Variants in PLPPR1 observed in about 807,000 individuals in gnomAD.
PLPPR1 encodes phospholipid phosphatase-related protein type 1.
In PLPPR1, 10 loss-of-function variants were observed where a neutral mutation model predicts 33.1. That is an observed-to-expected ratio of 0.30 (90% confidence interval 0.19 to 0.51). The LOEUF (loss-of-function observed/expected upper bound fraction) is 0.51, where lower values mean the gene tolerates loss of function less well. Ranked by LOEUF, PLPPR1 falls within the 20% of genes least tolerant of loss-of-function variation. The pLI, the probability that PLPPR1 is intolerant of heterozygous loss-of-function variation, is 0.97. For synonymous variants in PLPPR1, 151 were observed against 151.0 expected (o/e 1.00, Z 0.00); for missense variants, 304 against 408.1 (o/e 0.74, Z 2.20).
At chr9:101,037,945 A>T (rs1264580990) in intron 1 of PLPPR1, among the ~76,000 whole-genome samples, 1 of 150,806 alleles carries the variant, frequency 6.6e-6, no homozygotes, top group African/African-American at 2.4e-5. Flanking sequence ...TTTAGCAATT[A>T]AAAATGAATT....
At chr9:101,189,039 C>A (rs959114054) in intron 2 of PLPPR1, among the ~76,000 whole-genome samples, 5 of 152,144 alleles carry the variant, frequency 3.3e-5, no homozygotes, top group African/African-American at 9.6e-5. Context: ...TGAAGAGATT[C>A]CAATTCTGAA....
At chr9:101,231,743 CTTTAT>C (rs1481935921) in intron 2 of PLPPR1, among the ~76,000 whole-genome samples, 5 of 151,996 alleles carry the variant, frequency 3.3e-5, no homozygotes, top group Admixed American at 6.6e-5. Context: ...TCAAAGTATA[CTTTAT>C]TTTATTTTAG....
At chr9:101,195,030 C>A (rs1188727543) in intron 2 of PLPPR1, among the ~76,000 whole-genome samples, 1 of 152,208 alleles carries the variant, frequency 6.6e-6, no homozygotes, top group East Asian at 1.9e-4. Flanking sequence ...ATTTCTGACA[C>A]TGCCAGTCCC....
At chr9:101,090,870 A>AAT (rs1286701043) in intron 1 of PLPPR1, among the ~76,000 whole-genome samples, 30 of 151,110 alleles carry the variant, frequency 2.0e-4, no homozygotes, top group Non-Finnish European at 3.5e-4. Context: ...TTTCAACTTC[A>AAT]TGTGCTTCTT....
intron 1 of PLPPR1, among the ~76,000 whole-genome samples, chr9:101,043,815 C>T (rs1588004738): frequency 1.4e-5 from 2 of 147,272 alleles, no homozygotes; most frequent in South Asian, 4.3e-4. Flanking sequence ...CTATTTTTTT[C>T]TTTATTATTT....
At chr9:101,030,729 C>T (rs564476581) in intron 1 of PLPPR1, among the ~76,000 whole-genome samples, 3 of 152,078 alleles carry the variant, frequency 2.0e-5, no homozygotes, top group Admixed American at 6.5e-5. Flanking sequence ...CTGCTCCTCA[C>T]GGGTGGGGGT....
chr9:101,195,327 G>T (rs1355647534), intron 2 of PLPPR1, among the ~76,000 whole-genome samples: 1 of 151,970 alleles, frequency 6.6e-6, no homozygotes, highest in Non-Finnish European at 1.5e-5. Context: ...TAGCCTAAAT[G>T]ATTACCACAG....
At position 101,317,445 on chromosome 9, in the gene PLPPR1, C is replaced by T; in HGVS notation, c.894C>T (p.Pro298=). The T allele has an allele frequency of 6.2e-7, 1 of 1,614,036 alleles. No homozygotes were observed. The change falls in exon 7 of 8, where the codon CCC becomes CCT. Residue 298 remains proline, a synonymous_variant. Transcript: ENST00000374874. ...AGCCTGAGGATCCCCGTGGAGTACC[C>T]CTAATGGCTTTCCCAAGGATAGAAA... The part of the protein sequence containing the change: ...KPKPEDPRGV[P]LMAFPRIESP...
intron 1 of PLPPR1, among the ~76,000 whole-genome samples, chr9:101,098,289 G>A (rs974932637): frequency 3.3e-5 from 5 of 151,928 alleles, no homozygotes; most frequent in African/African-American, 9.7e-5. Context: ...TTGTGTCCTG[G>A]TGGGTCATGA....
rs567155141 is a variant in PLPPR1 at position 101,162,479 on chromosome 9, C to T, written c.-45-22971C>T. ...ACTTCCAAAGGCAAAGCAAATGATT[C>T]TGTGACTGGCTTTATTTGCTCAGGG... On this transcript the variant is annotated intron_variant, in intron 1 of 7. Transcript: ENST00000374874. Among the ~76,000 whole-genome samples, 11 of 152,348 alleles carry T rather than the reference C, an allele frequency of 7.2e-5. No individual in the cohort carries two copies. In the East Asian group the frequency reaches 2.1e-3, roughly 29 times the overall value.
intron 5 of PLPPR1, 51 bp downstream of exon 5, chr9:101,309,512 T>C: frequency 6.3e-7 from 1 of 1,587,232 alleles, no homozygotes; most frequent in Non-Finnish European, 8.6e-7. Flanking sequence ...ATAGGATGTG[T>C]GTCTCCCTGC....
chr9:101,247,964 AAAAT>A (rs899282588), intron 2 of PLPPR1, among the ~76,000 whole-genome samples: 6 of 152,156 alleles, frequency 3.9e-5, no homozygotes, highest in African/African-American at 1.2e-4. Flanking sequence ...CCTTCACAGA[AAAAT>A]AAATAAACTC....
At chr9:101,224,166 A>T (rs1241837262) in intron 2 of PLPPR1, among the ~76,000 whole-genome samples, 1 of 152,178 alleles carries the variant, frequency 6.6e-6, no homozygotes. Flanking sequence ...GCAATGTAAG[A>T]AGCTGAAGAA....
At chr9:101,131,694 A>G (rs993256595) in intron 1 of PLPPR1, 1 of 152,242 alleles carries the variant, frequency 6.6e-6, no homozygotes, top group Non-Finnish European at 1.5e-5. Context: ...AGTCTGAGAA[A>G]GGTACATATT....
chr9:101,254,519 A>G (rs1245033668), intron 2 of PLPPR1, among the ~76,000 whole-genome samples: 1 of 152,140 alleles, frequency 6.6e-6, no homozygotes, highest in Non-Finnish European at 1.5e-5. Flanking sequence ...CAGGCCACAG[A>G]CCAGGGGGGT....
At position 101,229,439 on chromosome 9, in the gene PLPPR1, A is replaced by C. The variant is rs189810059; in HGVS notation, c.64-40441A>C. ...TTTTTTCCATTTATAAAACCAATAC[A>C]TATAAAATGCAAAAAAGAAAAACTC... On this transcript the variant is annotated intron_variant, in intron 2 of 7. Coordinates refer to ENST00000374874, the MANE Select transcript of PLPPR1 (RefSeq NM_207299.2). 7.2e-5 allele frequency among the ~76,000 whole-genome samples: 11 copies of C among 152,226 alleles called. No homozygotes were observed. The East Asian group carries it at 2.1e-3, about 29-fold the overall frequency.
chr9:101,078,734 A>T (rs919014055), intron 1 of PLPPR1, among the ~76,000 whole-genome samples: 4 of 152,140 alleles, frequency 2.6e-5, no homozygotes, highest in African/African-American at 9.7e-5. Context: ...CATTTCTGCT[A>T]GTACTTGCTC....
intron 1 of PLPPR1, among the ~76,000 whole-genome samples, chr9:101,113,156 A>T (rs1407697612): frequency 6.6e-6 from 1 of 152,124 alleles, no homozygotes; most frequent in African/African-American, 2.4e-5. Flanking sequence ...TGAGAGAGGA[A>T]GTTATAAGAA....
At chr9:101,270,946 G>A (rs1828086757) in intron 3 of PLPPR1, among the ~76,000 whole-genome samples, 1 of 152,028 alleles carries the variant, frequency 6.6e-6, no homozygotes, top group South Asian at 2.1e-4. Flanking sequence ...AATACTGACT[G>A]GCATGCCGAG....
Sources: allele counts gnomAD v4.1 joint callset (sites outside exome capture counted in the v4.1 genomes callset), GRCh38; gene constraint gnomAD v4.1.1; transcripts MANE v1.5; gene names NCBI Gene and HGNC (gene_info 2026-07-23, HGNC 2026-07-21).